Variants in PDE6D observed in about 807,000 individuals in gnomAD.
PDE6D encodes phosphodiesterase 6D, also known as retinal rod rhodopsin-sensitive cGMP 3',5'-cyclic phosphodiesterase subunit delta.
Under a neutral mutation model 21.9 loss-of-function variants are expected in PDE6D, and 10 were observed. The ratio of observed to expected loss-of-function variants is 0.46; its 90% CI spans 0.28 to 0.78. The LOEUF (loss-of-function observed/expected upper bound fraction) is 0.78, where lower values mean the gene tolerates loss of function less well. Among genes scored for constraint, PDE6D ranks in the 30% least tolerant of loss-of-function variants. The pLI is 0.12. For synonymous variants in PDE6D, 59 were observed against 63.5 expected (o/e 0.93, Z 0.34); for missense variants, 139 against 184.8 (o/e 0.75, Z 1.44).
chr2:231,733,013 G>A lies in PDE6D; in HGVS notation c.392C>T (p.Thr131Ile). 1 of 1,610,012 alleles carries A rather than the reference G, an allele frequency of 6.2e-7. No individual in the cohort carries two copies. Among genetic ancestry groups the A allele is most frequent in the Non-Finnish European group, 8.5e-7 (1 of 1,176,290 alleles). Residue 131 changes from threonine to isoleucine, a missense_variant, in exon 5 of 5, where the codon ACA becomes ATA. Transcript: ENST00000287600. ...SVLTGNVIIETKFFDDDLLVS... is the reference protein window; with the variant it reads ...SVLTGNVIIEIKFFDDDLLVS... ...AAGAAGATCGTCGTCAAAAAACTTT[G>A]TTTCTATGATAACGTTCCCACTGTA... is the stretch of plus-strand genomic sequence containing the variant.
intron 4 of PDE6D, among the ~76,000 whole-genome samples, chr2:231,733,701 C>T (rs936356541): frequency 9.2e-5 from 14 of 152,170 alleles, no homozygotes; most frequent in Non-Finnish European, 1.6e-4. Flanking sequence ...CCGCCCAGCT[C>T]TCCCCCTTAG....
At chr2:231,744,039 T>C (rs900536728) in intron 1 of PDE6D, among the ~76,000 whole-genome samples, 7 of 152,236 alleles carry the variant, frequency 4.6e-5, no homozygotes, top group Non-Finnish European at 7.3e-5. Context: ...CATCAGACTT[T>C]CTTAAATTAA....
chr2:231,738,671 T>C (rs1477777454), intron 2 of PDE6D, among the ~76,000 whole-genome samples: 2 of 151,966 alleles, frequency 1.3e-5, no homozygotes, highest in Admixed American at 6.6e-5. Context: ...ATCCCAGCAC[T>C]TTGGGAGGCT....
intron 1 of PDE6D, among the ~76,000 whole-genome samples, chr2:231,749,901 T>C (rs2048824424): frequency 6.6e-6 from 1 of 152,058 alleles, no homozygotes; most frequent in Non-Finnish European, 1.5e-5. Flanking sequence ...TGGGGGATTG[T>C]TGGAAAGGCA....
chr2:231,770,209 T>C (rs1484957714), intron 1 of PDE6D, among the ~76,000 whole-genome samples: 1 of 152,248 alleles, frequency 6.6e-6, no homozygotes, highest in Non-Finnish European at 1.5e-5. Flanking sequence ...CCTCCTATGT[T>C]TGATCATCAC....
At chr2:231,773,021 T>C (rs2049027550) in intron 1 of PDE6D, among the ~76,000 whole-genome samples, 1 of 152,176 alleles carries the variant, frequency 6.6e-6, no homozygotes. Flanking sequence ...GCAAATCACT[T>C]GAGCCCAGAA....
chr2:231,779,075 GCTTTT>G (rs1290211087), intron 1 of PDE6D: 1 of 152,178 alleles, frequency 6.6e-6, no homozygotes, highest in African/African-American at 2.4e-5. Flanking sequence ...TAACATTCCT[GCTTTT>G]CTTTTCTCTC....
Position 231,739,421 on chromosome 2 carries a change from A to C in PDE6D, c.51-233T>G. ...CTATGAGAATCCTAAGACTGCACAC[A>C]CCTAGAGACTGCAAGAAAGGGACAG... On this transcript the variant is annotated intron_variant, in intron 1 of 4. Coordinates refer to ENST00000287600, the MANE Select transcript of PDE6D (RefSeq NM_002601.4). This position sits in a 1 kb window ranked among gnomAD's most constrained non-coding sequence, Gnocchi z 4.2. 1.7e-6 allele frequency: 1 copy of C among 587,576 alleles called. No individual in the cohort carries two copies. Among genetic ancestry groups the C allele is most frequent in the Non-Finnish European group, 3.1e-6 (1 of 319,560 alleles). 36.4% of individuals were successfully genotyped at this position (587,576 alleles called of 1,614,324 possible).
chr2:231,738,925 A>G (rs2048725550), intron 2 of PDE6D, among the ~76,000 whole-genome samples, 175 bp downstream of exon 2: 1 of 150,698 alleles, frequency 6.6e-6, no homozygotes, highest in Non-Finnish European at 1.5e-5. Flanking sequence ...GTCTCAAAAA[A>G]AAAAAAAAAA....
chr2:231,774,937 G>C (rs2106288211), intron 1 of PDE6D, among the ~76,000 whole-genome samples: 1 of 146,480 alleles, frequency 6.8e-6, no homozygotes, highest in Non-Finnish European at 1.5e-5. Flanking sequence ...TTTTGAGACA[G>C]AGTCTCACTC....
At position 231,781,250 on chromosome 2, in the gene PDE6D, G is replaced by T. The variant is rs535591994; in HGVS notation, c.-136C>A. 6 of 743,516 alleles carry T rather than the reference G, an allele frequency of 8.1e-6. No individual in the cohort carries two copies. Among genetic ancestry groups the T allele is most frequent in the African/African-American group, 1.8e-5 (1 of 55,906 alleles). The allele number at this position is 743,516 out of a possible 1,614,324, so 46.1% of individuals were successfully genotyped here. On this transcript the variant is annotated 5_prime_UTR_variant, in exon 1 of 5. Coordinates refer to ENST00000287600, the MANE Select transcript of PDE6D (RefSeq NM_002601.4). Reference sequence around the variant, plus strand: ...CAGCCGCAGCGGCCAGACCAGGACCGGCCTCTCTCTCCCCTCAGCTCCCGC... The same window carrying T: ...CAGCCGCAGCGGCCAGACCAGGACCTGCCTCTCTCTCCCCTCAGCTCCCGC...
chr2:231,758,688 C>T (rs1250729425), intron 1 of PDE6D, among the ~76,000 whole-genome samples: 2 of 152,160 alleles, frequency 1.3e-5, no homozygotes, highest in African/African-American at 4.8e-5. Context: ...CAAAGTGTCT[C>T]CTAATCCCTG....
At chr2:231,770,861 G>A (rs1413158678) in intron 1 of PDE6D, among the ~76,000 whole-genome samples, 4 of 151,812 alleles carry the variant, frequency 2.6e-5, no homozygotes, top group African/African-American at 9.7e-5. Flanking sequence ...ACTGAGGCAG[G>A]AGAATTGCTT....
chr2:231,756,487 A>C (rs1559323354), intron 1 of PDE6D, among the ~76,000 whole-genome samples: 2 of 152,038 alleles, frequency 1.3e-5, no homozygotes, highest in African/African-American at 4.8e-5. Flanking sequence ...CCTAGGCTGG[A>C]GTGCAATGGC....
Position 231,733,026 on chromosome 2 carries a change from C to T in PDE6D, c.379G>A (p.Val127Ile), listed in dbSNP as rs753006146. Residue 127 changes from valine (V) to isoleucine (I), a missense_variant, in exon 5 of 5, where the codon GTT becomes ATT. Physicochemically the swap from Val to Ile is conservative, Grantham distance 29. Coordinates refer to ENST00000287600, the MANE Select transcript of PDE6D (RefSeq NM_002601.4). ...TCAAAAAACTTTGTTTCTATGATAA[C>T]GTTCCCACTGTAAGTAAGAAGAGAA... ...MMPASVLTGN[V>I]IIETKFFDDD... 13 of 1,601,484 alleles carry T rather than the reference C, an allele frequency of 8.1e-6. No homozygotes were observed. Among genetic ancestry groups the T allele is most frequent in the African/African-American group, 8.0e-5 (6 of 74,634 alleles).
At position 231,737,310 on chromosome 2, in the gene PDE6D, A is replaced by G. The variant is rs749587575; in HGVS notation, c.266-18T>C. 2 of 1,397,158 alleles carry G rather than the reference A, an allele frequency of 1.4e-6. No individual in the cohort carries two copies. Among genetic ancestry groups the G allele is most frequent in the Admixed American group, 1.7e-5 (1 of 59,530 alleles). 86.5% of individuals were successfully genotyped at this position (1,397,158 alleles called of 1,614,324 possible). On this transcript the variant is annotated intron_variant, in intron 3 of 4. Coordinates refer to ENST00000287600, the MANE Select transcript of PDE6D (RefSeq NM_002601.4). ...GAACCATTCTGAAGGAAGAAGGAAA[A>G]GCCGGGGTGAGCAGGTGCCCCAGTA...
chr2:231,756,642 T>C (rs1034982356), intron 1 of PDE6D, among the ~76,000 whole-genome samples: 1 of 149,548 alleles, frequency 6.7e-6, no homozygotes, highest in African/African-American at 2.5e-5. Context: ...TCTCTCTCTG[T>C]TGTTCTAGGC....
intron 1 of PDE6D, among the ~76,000 whole-genome samples, chr2:231,769,266 C>T (rs912290260): frequency 1.3e-5 from 2 of 152,216 alleles, no homozygotes; most frequent in Non-Finnish European, 2.9e-5. Context: ...AGTGGCAGCA[C>T]TATGACCAGA....
At chr2:231,756,164 T>C (rs1483771801) in intron 1 of PDE6D, among the ~76,000 whole-genome samples, 1 of 152,144 alleles carries the variant, frequency 6.6e-6, no homozygotes, top group Non-Finnish European at 1.5e-5. Flanking sequence ...TCCCCTATAA[T>C]GCAAGCAGAC....
Sources: allele counts gnomAD v4.1 joint callset (sites outside exome capture counted in the v4.1 genomes callset), GRCh38; gene constraint gnomAD v4.1.1; non-coding constraint Gnocchi (gnomAD v3.1); transcripts MANE v1.5; gene names NCBI Gene and HGNC (gene_info 2026-07-23, HGNC 2026-07-21).